The following ZBTB7C variants were observed in gnomAD, a reference collection of about 807,000 sequenced individuals.
ZBTB7C encodes zinc finger and BTB domain-containing protein 7C.
In ZBTB7C, 8 loss-of-function variants were observed where a neutral mutation model predicts 25.7. That is an observed-to-expected ratio of 0.31 (90% CI 0.18 to 0.56). ZBTB7C has a LOEUF of 0.56. Among genes scored for constraint, ZBTB7C ranks in the 20% least tolerant of loss-of-function variants. The pLI is 0.91. For missense variants in ZBTB7C, 824 were observed against 855.2 expected (o/e 0.96, Z 0.46); for synonymous variants, 394 against 369.0 (o/e 1.07, Z -0.78).
intron 3 of ZBTB7C, among the ~76,000 whole-genome samples, chr18:48,182,540 C>T (rs149751699): frequency 3.3e-5 from 5 of 152,186 alleles, no homozygotes; most frequent in Admixed American, 1.3e-4. Flanking sequence ...GGACCTTAGA[C>T]GTCTTCTAAG....
At chr18:48,244,170 T>C (rs1443687004) in intron 2 of ZBTB7C, among the ~76,000 whole-genome samples, 1 of 151,952 alleles carries the variant, frequency 6.6e-6, no homozygotes, top group Admixed American at 6.6e-5. Flanking sequence ...CAAGAATAAA[T>C]AGAAGGAGGC....
chr18:48,100,826 C>T (rs62087380), intron 3 of ZBTB7C, among the ~76,000 whole-genome samples: 23,119 of 151,808 alleles, frequency 0.15, 2,160 homozygotes, highest in Non-Finnish European at 0.21. Context: ...CAAATCAAGC[C>T]GGAGCCTGGG....
intron 2 of ZBTB7C, among the ~76,000 whole-genome samples, chr18:48,307,159 T>G (rs911396320): frequency 6.6e-6 from 1 of 152,168 alleles, no homozygotes; most frequent in Non-Finnish European, 1.5e-5. Flanking sequence ...CAAACTCGAC[T>G]TGGGGCAGAT....
At chr18:48,339,046 C>T (rs1282686758) in intron 1 of ZBTB7C, among the ~76,000 whole-genome samples, 5 of 152,220 alleles carry the variant, frequency 3.3e-5, no homozygotes, top group African/African-American at 1.2e-4. Context: ...ACACCGGCTC[C>T]ACAGAGCCAT....
At chr18:48,249,109 T>C (rs2043775458) in intron 2 of ZBTB7C, among the ~76,000 whole-genome samples, 1 of 152,178 alleles carries the variant, frequency 6.6e-6, no homozygotes. Flanking sequence ...GAAAAACAGT[T>C]TTTGCTAACT....
At chr18:48,386,129 T>A (rs980768740) in intron 1 of ZBTB7C, among the ~76,000 whole-genome samples, 3 of 152,232 alleles carry the variant, frequency 2.0e-5, no homozygotes, top group Non-Finnish European at 4.4e-5. Context: ...GTTAGCACAC[T>A]GTAGGCTGAA....
chr18:48,260,002 T>C (rs745507203), intron 2 of ZBTB7C, among the ~76,000 whole-genome samples: 2 of 152,220 alleles, frequency 1.3e-5, no homozygotes, highest in Non-Finnish European at 2.9e-5. Flanking sequence ...AATCATTCCC[T>C]TCCTAGGTTT....
At chr18:48,091,496 T>C (rs1187528534) in intron 3 of ZBTB7C, among the ~76,000 whole-genome samples, 1 of 152,158 alleles carries the variant, frequency 6.6e-6, no homozygotes, top group Non-Finnish European at 1.5e-5. Context: ...ACTTGGGGTG[T>C]TCACATTTCA....
chr18:48,292,155 G>A (rs6507836), intron 2 of ZBTB7C, among the ~76,000 whole-genome samples: 43,439 of 151,314 alleles, frequency 0.29, 6,484 homozygotes, highest in East Asian at 0.42. Context: ...CTGAGATGGC[G>A]CCACTGCACT....
At chr18:48,137,015 C>A (rs936755100) in intron 3 of ZBTB7C, 43 of 985,100 alleles carry the variant, frequency 4.4e-5, no homozygotes, top group Non-Finnish European at 5.1e-5. Context: ...ACCTGGCCGC[C>A]CCGGGGACGC....
intron 3 of ZBTB7C, chr18:48,162,248 C>CCGGAAA (rs964040488): frequency 5.7e-5 from 24 of 420,976 alleles, no homozygotes; most frequent in African/African-American, 4.7e-4. Context: ...CTACCTTCTA[C>CCGGAAA]CGGAAACAGA....
intron 3 of ZBTB7C, among the ~76,000 whole-genome samples, chr18:48,153,650 A>G (rs1390788502): frequency 6.6e-6 from 1 of 152,232 alleles, no homozygotes; most frequent in African/African-American, 2.4e-5. Context: ...CAATTTCAAA[A>G]GTCTTACAAA....
chr18:48,351,086 C>T (rs569783402), intron 1 of ZBTB7C, among the ~76,000 whole-genome samples: 1 of 152,172 alleles, frequency 6.6e-6, no homozygotes, highest in East Asian at 1.9e-4. Flanking sequence ...AGGACATCTG[C>T]ATTAAAATTC....
intron 2 of ZBTB7C, among the ~76,000 whole-genome samples, chr18:48,255,881 C>T (rs529983819): frequency 3.9e-5 from 6 of 152,178 alleles, no homozygotes; most frequent in Admixed American, 6.5e-5. Flanking sequence ...AGATTTTGTT[C>T]CCTCCACCCT....
chr18:48,373,775 C>T (rs1011946586), intron 1 of ZBTB7C, among the ~76,000 whole-genome samples: 1 of 152,186 alleles, frequency 6.6e-6, no homozygotes, highest in Non-Finnish European at 1.5e-5. Context: ...TCCTGGTAAA[C>T]ACGGTGAAAC....
intron 1 of ZBTB7C, among the ~76,000 whole-genome samples, chr18:48,371,366 G>C (rs188754051): frequency 2.4e-4 from 36 of 152,316 alleles, no homozygotes; most frequent in Admixed American, 2.3e-3. Context: ...GGCTGGGAAC[G>C]AGCTTAAAGA....
chr18:48,296,729 G>A (rs62086488), intron 2 of ZBTB7C, among the ~76,000 whole-genome samples: 785 of 152,026 alleles, frequency 5.2e-3, no homozygotes, highest in Non-Finnish European at 9.0e-3. Context: ...TGGTAGTGGC[G>A]GGTGGCCTGT....
At chr18:48,267,415 G>A (rs940072996) in intron 2 of ZBTB7C, among the ~76,000 whole-genome samples, 1 of 152,208 alleles carries the variant, frequency 6.6e-6, no homozygotes, top group African/African-American at 2.4e-5. Flanking sequence ...GCTGGAGTTT[G>A]CACAAAGGGA....
intron 2 of ZBTB7C, among the ~76,000 whole-genome samples, chr18:48,337,735 A>G (rs531415299): frequency 3.3e-5 from 5 of 152,328 alleles, no homozygotes; most frequent in Admixed American, 2.6e-4. Flanking sequence ...AGGCTTCCCA[A>G]CCACTGAGGT....
Sources: allele counts gnomAD v4.1 joint callset (sites outside exome capture counted in the v4.1 genomes callset), GRCh38; gene constraint gnomAD v4.1.1; transcripts MANE v1.5; gene names NCBI Gene and HGNC (gene_info 2026-07-23, HGNC 2026-07-21).